The following SV2C variants were observed in gnomAD, a reference collection of about 807,000 sequenced individuals.
The protein encoded by SV2C is solute carrier family 22 member B3.
In SV2C, 49 loss-of-function variants were observed where a neutral mutation model predicts 79.7. That is an observed-to-expected ratio of 0.61 (90% CI 0.49 to 0.78). SV2C has a LOEUF of 0.78. SV2C is among the 30% of genes least tolerant of loss of function. The pLI is 0.00. For synonymous variants in SV2C, 334 were observed against 333.2 expected (o/e 1.00, Z -0.03); for missense variants, 833 against 912.9 (o/e 0.91, Z 1.13).
At chr5:76,204,741 T>C (rs141530408) in intron 3 of SV2C, among the ~76,000 whole-genome samples, 152 of 152,306 alleles carry the variant, frequency 1.0e-3, no homozygotes, top group African/African-American at 3.4e-3. Flanking sequence ...CCCTCTTTCA[T>C]TGAAGAAACC....
Position 76,309,198 on chromosome 5 carries a change from G to A in SV2C, c.2000+7653G>A, listed in dbSNP as rs117441526. On this transcript the variant is annotated intron_variant, in intron 12 of 12. Transcript: ENST00000502798. ...TCACATTGCCTTATTGTGTGGGGAC[G>A]GGGAGACTTTGAGCTGTCTTACAGA... Among the ~76,000 whole-genome samples, 139 of 152,214 alleles carry A rather than the reference G, an allele frequency of 9.1e-4. 2 individuals are homozygous for A. In the East Asian group the frequency reaches 0.025, roughly 27 times the overall value.
chr5:75,917,956 A>G, the SV2C span, among the ~76,000 whole-genome samples: 3 of 152,204 alleles, frequency 2.0e-5, no homozygotes, highest in Non-Finnish European at 4.4e-5. Flanking sequence ...CTATGTACCC[A>G]CAAAAATTAA....
intron 1 of SV2C, among the ~76,000 whole-genome samples, chr5:76,098,521 G>A (rs1170253678): frequency 1.3e-5 from 2 of 152,156 alleles, no homozygotes; most frequent in African/African-American, 4.8e-5. Flanking sequence ...ATTGTTGTCG[G>A]GGCAAAGCTA....
At chr5:76,172,745 A>G (rs1331099911) in intron 2 of SV2C, among the ~76,000 whole-genome samples, 76 of 82,704 alleles carry the variant, frequency 9.2e-4, no homozygotes, top group African/African-American at 3.8e-3. Context: ...CTGTGACCTT[A>G]CCCCCAACCC....
chr5:76,306,782 C>T (rs1748208469), intron 12 of SV2C, among the ~76,000 whole-genome samples: 1 of 152,208 alleles, frequency 6.6e-6, no homozygotes, highest in Non-Finnish European at 1.5e-5. Context: ...TCAACAAACA[C>T]TTAGCATATA....
intron 1 of SV2C, among the ~76,000 whole-genome samples, chr5:76,124,528 G>A (rs1243863936): frequency 6.6e-6 from 1 of 152,128 alleles, no homozygotes; most frequent in Non-Finnish European, 1.5e-5. Flanking sequence ...GGGCCAATGG[G>A]TTGCTTCCTT....
At chr5:75,967,179 C>T in the SV2C span, among the ~76,000 whole-genome samples, 1 of 152,020 alleles carries the variant, frequency 6.6e-6, no homozygotes, top group African/African-American at 2.4e-5. Context: ...ACCAAAAAAA[C>T]TTTAAAAATT....
chr5:75,916,180 G>A, the SV2C span, among the ~76,000 whole-genome samples: 1 of 152,134 alleles, frequency 6.6e-6, no homozygotes, highest in Non-Finnish European at 1.5e-5. Context: ...TGCAGAAGAT[G>A]CTTCTTTTTC....
At chr5:75,860,150 C>CT in the SV2C span, among the ~76,000 whole-genome samples, 1 of 152,154 alleles carries the variant, frequency 6.6e-6, no homozygotes. Flanking sequence ...CCTAAGGACT[C>CT]TGTCAAAAGG....
chr5:76,119,410 T>G (rs1431010588), intron 1 of SV2C, among the ~76,000 whole-genome samples: 2 of 152,080 alleles, frequency 1.3e-5, no homozygotes, highest in African/African-American at 4.8e-5. Context: ...AAAAGGAAGA[T>G]ATAGCAGTGT....
intron 6 of SV2C, among the ~76,000 whole-genome samples, chr5:76,288,317 C>T (rs184587668): frequency 3.4e-4 from 52 of 152,268 alleles, no homozygotes; most frequent in Middle Eastern, 3.4e-3. Context: ...TAAAGATAAA[C>T]TGCAATTTGG....
the SV2C span, among the ~76,000 whole-genome samples, chr5:75,930,698 A>G: frequency 1.3e-5 from 2 of 152,364 alleles, no homozygotes; most frequent in South Asian, 4.1e-4. Context: ...CTAATGGCAC[A>G]TTTAAAGCTT....
the SV2C span, among the ~76,000 whole-genome samples, chr5:75,914,022 T>A: frequency 6.6e-6 from 1 of 152,198 alleles, no homozygotes; most frequent in Non-Finnish European, 1.5e-5. Flanking sequence ...TGTACATTTA[T>A]TCACCCATTT....
At chr5:76,194,074 T>A (rs769755526) in intron 2 of SV2C, among the ~76,000 whole-genome samples, 5 of 152,102 alleles carry the variant, frequency 3.3e-5, no homozygotes, top group Non-Finnish European at 5.9e-5. Context: ...CCACAAGAGA[T>A]CTTGGTTTAC....
At chr5:75,965,868 AT>A in the SV2C span, among the ~76,000 whole-genome samples, 1 of 152,212 alleles carries the variant, frequency 6.6e-6, no homozygotes, top group African/African-American at 2.4e-5. Flanking sequence ...ACATAGCATA[AT>A]TTTACTTGGC....
At chr5:76,214,732 C>A (rs1426017930) in intron 4 of SV2C, among the ~76,000 whole-genome samples, 1 of 152,284 alleles carries the variant, frequency 6.6e-6, no homozygotes, top group Non-Finnish European at 1.5e-5. Flanking sequence ...ACATACAAAT[C>A]TTTTACCTTC....
chr5:75,939,038 A>G, the SV2C span, among the ~76,000 whole-genome samples: 2 of 152,154 alleles, frequency 1.3e-5, no homozygotes, highest in East Asian at 3.9e-4. Context: ...TATCATTTAA[A>G]CAGGAAAGAT....
chr5:76,304,963 G>A (rs1748134648), intron 12 of SV2C, among the ~76,000 whole-genome samples: 1 of 152,190 alleles, frequency 6.6e-6, no homozygotes, highest in Non-Finnish European at 1.5e-5. Flanking sequence ...AGCATAGGAA[G>A]CATAGTGGCA....
the SV2C span, among the ~76,000 whole-genome samples, chr5:76,027,931 G>A: frequency 6.6e-6 from 1 of 152,206 alleles, no homozygotes; most frequent in African/African-American, 2.4e-5. Flanking sequence ...TCTCTTAGGT[G>A]ATTCTCCTCT....
Sources: allele counts gnomAD v4.1 joint callset (sites outside exome capture counted in the v4.1 genomes callset), GRCh38; gene constraint gnomAD v4.1.1; transcripts MANE v1.5; gene names NCBI Gene and HGNC (gene_info 2026-07-23, HGNC 2026-07-21).